Variants in SLC1A7 observed in about 807,000 individuals in gnomAD.
SLC1A7 encodes solute carrier family 1 member 7.
SLC1A7 carries 40 observed loss-of-function variants against 47.7 expected under a neutral mutation model. The ratio of observed to expected loss-of-function variants is 0.84; its 90% CI spans 0.65 to 1.09. The LOEUF is 1.09. Among genes scored for constraint, SLC1A7 ranks in the 50% least tolerant of loss-of-function variants. SLC1A7 has a pLI of 0.00. For missense variants in SLC1A7, 746 were observed against 769.5 expected, an observed-to-expected ratio of 0.97 and a Z score of 0.36; for synonymous variants, 323 against 325.6, an observed-to-expected ratio of 0.99 and a Z score of 0.09.
rs181389637 is a variant in SLC1A7, at chr1:53,099,795, C to T, written c.697+3551G>A. Among the ~76,000 whole-genome samples the T allele has an allele frequency of 2.5e-3, 370 of 150,390 alleles. 1 individual carries two copies. The highest frequency in any genetic ancestry group is 4.1e-3 in the Non-Finnish European group (276 of 67,486). ...GTCTCAGTACACACACACACCATCTCGGTACACTTACACACCCCACCTTGG... is the reference window on the plus strand; with the variant it reads ...GTCTCAGTACACACACACACCATCTTGGTACACTTACACACCCCACCTTGG... On this transcript the variant is annotated intron_variant, in intron 5 of 10. Coordinates refer to ENST00000371494, the MANE Select transcript of SLC1A7 (RefSeq NM_006671.6).
rs1557665678 is a variant in SLC1A7 at position 53,090,750 on chromosome 1, CG to C, written c.1087del (p.Arg363GlyfsTer98). Reference protein sequence around the residue: ...KCLLENNHIDRRIARFVLPVG... With the variant: ...KCLLENNHIDXRIARFVLPVG... The stretch of plus-strand genomic sequence containing the variant: ...GGGCAGCACGAAGCGAGCGATGCGC[CG>C]GTCGATGTGGTTGTTCTCCAGCAGG... On this transcript the variant is annotated frameshift_variant, in exon 8 of 11. Coordinates refer to ENST00000371494, the MANE Select transcript of SLC1A7 (RefSeq NM_006671.6). LOFTEE classifies it high-confidence loss of function. The C allele has an allele frequency of 1.2e-6, 2 of 1,613,698 alleles. No individual in the cohort carries two copies.
chr1:53,092,919 G>A (rs923078093), intron 6 of SLC1A7, 132 bp from the exon 7 acceptor site: 3 of 638,346 alleles, frequency 4.7e-6, no homozygotes, highest in Middle Eastern at 7.7e-4. Flanking sequence ...GACTGCCAAG[G>A]TGCCCGGCCC....
intron 5 of SLC1A7, among the ~76,000 whole-genome samples, chr1:53,096,264 T>C (rs1644489137): frequency 7.3e-6 from 1 of 137,176 alleles, no homozygotes; most frequent in South Asian, 2.4e-4. Context: ...CATGCATCTG[T>C]ACACTCACAC....
At chr1:53,130,584 G>A (rs1447120335) in intron 2 of SLC1A7, among the ~76,000 whole-genome samples, 1 of 151,824 alleles carries the variant, frequency 6.6e-6, no homozygotes, top group Non-Finnish European at 1.5e-5. Context: ...CCCTGGGGAT[G>A]GGAGCACCAC....
At chr1:53,101,320 A>G (rs1644576988) in intron 5 of SLC1A7, among the ~76,000 whole-genome samples, 1 of 99,620 alleles carries the variant, frequency 1.0e-5, no homozygotes, top group Non-Finnish European at 2.3e-5. Context: ...CCACCTCGGT[A>G]CACTCACACA....
intron 2 of SLC1A7, among the ~76,000 whole-genome samples, chr1:53,117,628 T>A (rs1489813612): frequency 6.6e-6 from 1 of 152,190 alleles, no homozygotes; most frequent in African/African-American, 2.4e-5. Flanking sequence ...CCTCCTGGGA[T>A]GGTGGACTCC....
At chr1:53,105,863 C>A in intron 3 of SLC1A7, 89 bp from the exon 4 acceptor site, 1 of 1,061,310 alleles carries the variant, frequency 9.4e-7, no homozygotes, top group South Asian at 1.3e-5. Flanking sequence ...TGGACATCTC[C>A]TTTGGTGGTC....
At chr1:53,126,763 A>C (rs1193010955) in intron 2 of SLC1A7, among the ~76,000 whole-genome samples, 1 of 152,246 alleles carries the variant, frequency 6.6e-6, no homozygotes, top group African/African-American at 2.4e-5. Flanking sequence ...TAAGAATAAG[A>C]ACAAACCTTG....
intron 1 of SLC1A7, among the ~76,000 whole-genome samples, chr1:53,137,684 G>A (rs1157099256): frequency 1.3e-5 from 2 of 152,038 alleles, no homozygotes; most frequent in Non-Finnish European, 2.9e-5. Flanking sequence ...TTGTTTTCTG[G>A]GAATCACCCA....
intron 5 of SLC1A7, among the ~76,000 whole-genome samples, chr1:53,099,361 C>A (rs58827721): frequency 2.1e-5 from 3 of 142,108 alleles, no homozygotes; most frequent in Admixed American, 7.0e-5. Context: ...TCACATACCG[C>A]CTCGGTACAC....
intron 3 of SLC1A7, among the ~76,000 whole-genome samples, chr1:53,106,400 G>A (rs560745444): frequency 2.6e-4 from 40 of 151,340 alleles, no homozygotes; most frequent in African/African-American, 9.5e-4. Flanking sequence ...GGCGGATCAC[G>A]AGGTCGGAGA....
chr1:53,106,245 GCC>G (rs896594480), intron 3 of SLC1A7, among the ~76,000 whole-genome samples: 1 of 151,930 alleles, frequency 6.6e-6, no homozygotes, highest in African/African-American at 2.4e-5. Flanking sequence ...TATCTGTGGG[GCC>G]TAACACGGGA....
chr1:53,115,028 A>T, intron 2 of SLC1A7, 55 bp from the exon 3 acceptor site: 1 of 1,415,116 alleles, frequency 7.1e-7, no homozygotes, highest in East Asian at 2.4e-5. Flanking sequence ...CCTGGCTGGC[A>T]CTCAGCGCTC....
chr1:53,087,999 C>T lies in SLC1A7; in HGVS notation c.*10G>A. On this transcript the variant is annotated 3_prime_UTR_variant, in exon 11 of 11. Transcript: ENST00000371494. ...CTGGAGGCCTCGCCTGCCCCTGCAGCTCCGCAGGCTCAGACATTGGTCTCC... is the reference window on the plus strand; with the variant it reads ...CTGGAGGCCTCGCCTGCCCCTGCAGTTCCGCAGGCTCAGACATTGGTCTCC... The T allele has an allele frequency of 2.0e-6, 3 of 1,463,658 alleles. No homozygotes were observed. Among genetic ancestry groups the T allele is most frequent in the South Asian group, 3.1e-5 (2 of 64,964 alleles). 90.7% of individuals were successfully genotyped at this position (1,463,658 alleles called of 1,614,324 possible).
chr1:53,134,924 G>A (rs1485707254), intron 1 of SLC1A7, among the ~76,000 whole-genome samples: 1 of 151,332 alleles, frequency 6.6e-6, no homozygotes, highest in Non-Finnish European at 1.5e-5. Flanking sequence ...TTATGTGAAT[G>A]TGGTCTCTCT....
chr1:53,090,125 C>A (rs1156982444), intron 8 of SLC1A7, 191 bp from the exon 9 acceptor site: 2 of 639,972 alleles, frequency 3.1e-6, no homozygotes, highest in East Asian at 2.7e-5. Context: ...CCCATGGACC[C>A]CCATTCCTGG....
rs370065898 is a variant in SLC1A7 at position 53,115,455 on chromosome 1, C to T, written c.216-482G>A. On this transcript the variant is annotated intron_variant, in intron 2 of 10. Coordinates refer to ENST00000371494, the MANE Select transcript of SLC1A7 (RefSeq NM_006671.6). ...GCCCATTCTAGGACCCCCACAGCCC[C>T]TGGCTGCTCCATCAGGACGCTGCCT... 21 of 176,712 alleles carry T rather than the reference C, an allele frequency of 1.2e-4. No homozygotes were observed. The East Asian group carries it at 2.9e-3, about 24-fold the overall frequency. 10.9% of individuals were successfully genotyped at this position (176,712 alleles called of 1,614,324 possible). A position where few individuals can be genotyped will look rare whatever the true frequency, so the allele number is the denominator to read the frequency against.
intron 2 of SLC1A7, among the ~76,000 whole-genome samples, chr1:53,134,048 C>G (rs538566385): frequency 2.0e-5 from 3 of 152,292 alleles, no homozygotes; most frequent in African/African-American, 7.2e-5. Context: ...TGAACAGCCC[C>G]TCCTCTGGGA....
chr1:53,093,375 C>T, intron 6 of SLC1A7, 86 bp downstream of exon 6: 2 of 1,112,896 alleles, frequency 1.8e-6, no homozygotes, highest in Admixed American at 4.0e-5. Flanking sequence ...TTTCTGCTCA[C>T]TTTACGGGAG....
Sources: gnomAD v4.1 joint callset for allele counts (sites outside exome capture counted in the v4.1 genomes callset) on GRCh38, gnomAD v4.1.1 for gene constraint, MANE v1.5 for transcripts, NCBI Gene and HGNC (gene_info 2026-07-23, HGNC 2026-07-21) for gene names.